Variants in CDC42BPA observed in about 807,000 individuals in gnomAD.
CDC42BPA encodes serine/threonine-protein kinase MRCK alpha.
Under a neutral mutation model 223.5 loss-of-function variants are expected in CDC42BPA, and 80 were observed. The observed-to-expected ratio is 0.36, with a 90% CI of 0.30 to 0.43. The LOEUF (loss-of-function observed/expected upper bound fraction) is 0.43, where lower values mean the gene tolerates loss of function less well. CDC42BPA is among the 20% of genes least tolerant of loss of function. CDC42BPA has a pLI of 1.00. For missense variants in CDC42BPA, 1,743 were observed against 2,099.9 expected (o/e 0.83, Z 3.32); for synonymous variants, 694 against 718.6 (o/e 0.97, Z 0.55).
intron 2 of CDC42BPA, among the ~76,000 whole-genome samples, chr1:227,218,133 G>A (rs1189981453): frequency 6.6e-6 from 1 of 152,072 alleles, no homozygotes; most frequent in Admixed American, 6.6e-5. Flanking sequence ...AAAGTTTACA[G>A]CATCAATATT....
At chr1:227,162,983 C>CGTGTGT (rs1553371380) in intron 5 of CDC42BPA, among the ~76,000 whole-genome samples, 1 of 46,130 alleles carries the variant, frequency 2.2e-5, no homozygotes, top group Admixed American at 1.7e-4. Flanking sequence ...TGTTTCCAAA[C>CGTGTGT]ATGTTTCCAA....
At chr1:227,001,957 AAAAC>A (rs2148325897) in intron 35 of CDC42BPA, among the ~76,000 whole-genome samples, 1 of 152,270 alleles carries the variant, frequency 6.6e-6, no homozygotes, top group South Asian at 2.1e-4. Flanking sequence ...ACCAAAACAA[AAAAC>A]AAAACAACAA....
intron 11 of CDC42BPA, among the ~76,000 whole-genome samples, chr1:227,122,335 T>C (rs1688796967): frequency 6.6e-6 from 1 of 152,224 alleles, no homozygotes; most frequent in Admixed American, 6.5e-5. Flanking sequence ...CATGTTGTTT[T>C]TTCAGAAATT....
chr1:227,147,897 A>T (rs1358255044), intron 6 of CDC42BPA, among the ~76,000 whole-genome samples: 2 of 25,712 alleles, frequency 7.8e-5, no homozygotes, highest in Non-Finnish European at 2.0e-4. Context: ...CTATACGTGT[A>T]AAAAAAAAAA....
At chr1:227,056,721 C>T (rs1674648293) in intron 21 of CDC42BPA, among the ~76,000 whole-genome samples, 1 of 152,124 alleles carries the variant, frequency 6.6e-6, no homozygotes, top group Admixed American at 6.5e-5. Context: ...TTTCTTTATC[C>T]TCTAGCTAGA....
chr1:227,309,041 A>C (rs1489383806), intron 1 of CDC42BPA, among the ~76,000 whole-genome samples: 1 of 151,980 alleles, frequency 6.6e-6, no homozygotes, highest in Non-Finnish European at 1.5e-5. Flanking sequence ...GGTGAGGAAG[A>C]GTTAAAGAGA....
At position 227,317,696 on chromosome 1, in the gene CDC42BPA, C is replaced by A; in HGVS notation, c.-514G>T. On this transcript the variant is annotated 5_prime_UTR_variant, in exon 1 of 37. Coordinates refer to ENST00000366766, the MANE Select transcript of CDC42BPA (RefSeq NM_001394014.1). The stretch of plus-strand genomic sequence containing the variant: ...AATGCATAGAAGGGGGAGGGAAAAC[C>A]AAAAATGTTGCTGCAAATCCTCCCA... 2.5e-6 allele frequency: 1 copy of A among 398,354 alleles called. No homozygotes were observed. Among genetic ancestry groups the A allele is most frequent in the South Asian group, 1.3e-4 (1 of 7,748 alleles). 24.7% of individuals were successfully genotyped at this position (398,354 alleles called of 1,614,324 possible). A position where few individuals can be genotyped will look rare whatever the true frequency, so the allele number is the denominator to read the frequency against.
chr1:227,259,353 C>T (rs1683653159), intron 1 of CDC42BPA, among the ~76,000 whole-genome samples: 1 of 150,932 alleles, frequency 6.6e-6, no homozygotes, highest in Non-Finnish European at 1.5e-5. Flanking sequence ...AAACATCCTA[C>T]TATGACTCTA....
intron 30 of CDC42BPA, among the ~76,000 whole-genome samples, chr1:227,027,531 T>C (rs991858428): frequency 6.6e-6 from 1 of 152,212 alleles, no homozygotes; most frequent in African/African-American, 2.4e-5. Context: ...TGTAGTTCCC[T>C]AGGGTTTTTT....
Position 226,994,407 on chromosome 1 carries a change from G to T in CDC42BPA, c.5134-8C>A. 6.6e-7 allele frequency: 1 copy of T among 1,507,998 alleles called. No individual in the cohort carries two copies. The highest frequency in any genetic ancestry group is 2.2e-5 in the Admixed American group (1 of 44,478). The allele number at this position is 1,507,998 out of a possible 1,614,324, so 93.4% of individuals were successfully genotyped here. A position where few individuals can be genotyped will look rare whatever the true frequency, so the allele number is the denominator to read the frequency against. ...CCTCGGAGAGTCAGAGTCCTGTAAGGCCCAAAGTAAAACATTAATGAGAAG... is the reference window on the plus strand; with the variant it reads ...CCTCGGAGAGTCAGAGTCCTGTAAGTCCCAAAGTAAAACATTAATGAGAAG... On this transcript the variant is annotated splice_region_variant and splice_polypyrimidine_tract_variant and intron_variant, in intron 36 of 36. Coordinates refer to ENST00000366766, the MANE Select transcript of CDC42BPA (RefSeq NM_001394014.1). The surrounding 1 kb of genome is among the most constrained non-coding windows in gnomAD (Gnocchi z 4.0).
intron 22 of CDC42BPA, among the ~76,000 whole-genome samples, chr1:227,049,858 A>G (rs1308838712): frequency 2.0e-5 from 3 of 152,192 alleles, no homozygotes; most frequent in Non-Finnish European, 4.4e-5. Context: ...ATAACAATAT[A>G]TATCAGTTTG....
intron 10 of CDC42BPA, among the ~76,000 whole-genome samples, chr1:227,129,703 A>ATG (rs1656648060): frequency 1.7e-5 from 2 of 117,144 alleles, no homozygotes; most frequent in Non-Finnish European, 3.7e-5. Flanking sequence ...AATCCACTGC[A>ATG]TATATATATA....
intron 3 of CDC42BPA, among the ~76,000 whole-genome samples, chr1:227,208,751 T>C (rs1274548951): frequency 6.6e-6 from 1 of 152,116 alleles, no homozygotes; most frequent in Non-Finnish European, 1.5e-5. Context: ...CTGTTTTGGT[T>C]ACTGTAGCCT....
At chr1:227,228,805 T>C (rs576559303) in intron 2 of CDC42BPA, among the ~76,000 whole-genome samples, 48 of 152,334 alleles carry the variant, frequency 3.2e-4, no homozygotes, top group African/African-American at 1.1e-3. Context: ...TTCATGTACA[T>C]ATTGTCCATA....
chr1:227,006,241 T>C (rs1349139060), intron 34 of CDC42BPA, among the ~76,000 whole-genome samples: 1 of 152,218 alleles, frequency 6.6e-6, no homozygotes, highest in Non-Finnish European at 1.5e-5. Flanking sequence ...CTACTCCTTA[T>C]TGATTTTTCT....
intron 15 of CDC42BPA, among the ~76,000 whole-genome samples, chr1:227,099,417 T>C (rs1325750589): frequency 6.6e-6 from 1 of 151,936 alleles, no homozygotes; most frequent in Admixed American, 6.6e-5. Context: ...TCATTCATGG[T>C]AAGTGCCTTA....
intron 5 of CDC42BPA, among the ~76,000 whole-genome samples, chr1:227,179,308 T>C (rs554299120): frequency 6.6e-6 from 1 of 151,984 alleles, no homozygotes; most frequent in South Asian, 2.1e-4. Context: ...TACACATTAA[T>C]GAGTGGACTG....
chr1:227,050,352 C>T (rs1673303825), intron 22 of CDC42BPA, among the ~76,000 whole-genome samples: 1 of 152,144 alleles, frequency 6.6e-6, no homozygotes, highest in South Asian at 2.1e-4. Flanking sequence ...AACTCACACA[C>T]ACTGCTGGGG....
At position 227,031,457 on chromosome 1, in the gene CDC42BPA, C is replaced by G; in HGVS notation, c.3616G>C (p.Asp1206His). The part of the protein sequence containing the change: ...NNKCSILMLA[D>H]TENEKNKWVG... ...CACTTATTCTTCTCATTCTCAGTGT[C>G]TGCTAGCATCAGGATTGAACATTTG... Residue 1206 changes from aspartate (D) to histidine (H), a missense_variant, in exon 28 of 37, where the codon GAC becomes CAC. Transcript: ENST00000366766. 6.2e-7 allele frequency: 1 copy of G among 1,614,098 alleles called. No homozygotes were observed. Among genetic ancestry groups the G allele is most frequent in the Non-Finnish European group, 8.5e-7 (1 of 1,180,006 alleles).
Sources: gnomAD v4.1 joint callset for allele counts (sites outside exome capture counted in the v4.1 genomes callset) on GRCh38, gnomAD v4.1.1 for gene constraint, Gnocchi (gnomAD v3.1) non-coding constraint, MANE v1.5 for transcripts, NCBI Gene and HGNC (gene_info 2026-07-23, HGNC 2026-07-21) for gene names.